The following CFAP96 variants were observed in gnomAD, a reference collection of about 807,000 sequenced individuals.
CFAP96 encodes the protein cilia and flagella associated protein 96, also known as cilia-and flagella-associated protein 96.
the CFAP96 span, chr4:185,415,092 A>G: frequency 2.2e-6 from 3 of 1,362,808 alleles, no homozygotes; most frequent in South Asian, 2.8e-5. Flanking sequence ...GAAATATATA[A>G]TTAAATACAA....
At chr4:185,445,863 C>T in the CFAP96 span, among the ~76,000 whole-genome samples, 77 of 152,104 alleles carry the variant, frequency 5.1e-4, no homozygotes, top group Non-Finnish European at 7.9e-4. Context: ...TTTTTTGAGA[C>T]GGAGTTTCGC....
the CFAP96 span, chr4:185,422,549 A>G: frequency 6.2e-7 from 1 of 1,607,168 alleles, no homozygotes; most frequent in Non-Finnish European, 8.5e-7. Context: ...GTATATCCAT[A>G]CTTTCTGAAA....
At chr4:185,422,715 C>A in the CFAP96 span, 9 of 640,098 alleles carry the variant, frequency 1.4e-5, no homozygotes, top group Admixed American at 3.6e-5. Flanking sequence ...ATAGAAAAAA[C>A]AAAAACAAAA....
the CFAP96 span, chr4:185,415,821 A>G: frequency 6.2e-7 from 1 of 1,613,832 alleles, no homozygotes; most frequent in Non-Finnish European, 8.5e-7. Context: ...TACAGCTGCC[A>G]GGGAGGTTGA....
the CFAP96 span, chr4:185,432,343 T>C: frequency 3.1e-6 from 2 of 648,910 alleles, no homozygotes; most frequent in East Asian, 2.8e-5. Context: ...GAGATAGTTG[T>C]ATTGGATGAT....
chr4:185,426,009 G>T, the CFAP96 span: 2 of 961,568 alleles, frequency 2.1e-6, no homozygotes, highest in Non-Finnish European at 3.2e-6. Flanking sequence ...GCGGCATGAC[G>T]TCACGGAGCG....
At chr4:185,436,307 A>C in the CFAP96 span, 2 of 1,551,256 alleles carry the variant, frequency 1.3e-6, no homozygotes, top group Non-Finnish European at 1.7e-6. Context: ...ACCATAGGTA[A>C]ACAGTTTTCA....
At chr4:185,431,337 A>C in the CFAP96 span, among the ~76,000 whole-genome samples, 1 of 152,164 alleles carries the variant, frequency 6.6e-6, no homozygotes, top group Admixed American at 6.5e-5. Context: ...GCTCTCCTAG[A>C]TCTAAATTAT....
the CFAP96 span, chr4:185,415,102 A>T: frequency 2.1e-6 from 3 of 1,406,528 alleles, no homozygotes; most frequent in African/African-American, 4.5e-5. Flanking sequence ...ATTAAATACA[A>T]AATGAATGAT....
the CFAP96 span, among the ~76,000 whole-genome samples, chr4:185,428,066 A>C: frequency 2.1e-5 from 3 of 143,942 alleles, no homozygotes; most frequent in African/African-American, 7.9e-5. Flanking sequence ...ATCCTGGGCT[A>C]CAAGAGCGAA....
the CFAP96 span, among the ~76,000 whole-genome samples, chr4:185,429,871 A>G: frequency 1.3e-5 from 2 of 151,886 alleles, no homozygotes; most frequent in Non-Finnish European, 2.9e-5. Context: ...AGCTCTCACT[A>G]TGTTGCCCAG....
At chr4:185,418,431 G>C in the CFAP96 span, 4 of 1,592,362 alleles carry the variant, frequency 2.5e-6, no homozygotes, top group Non-Finnish European at 3.4e-6. Flanking sequence ...AAGACAGATA[G>C]TTTGCTTACC....
the CFAP96 span, among the ~76,000 whole-genome samples, chr4:185,414,978 ATAC>A: frequency 6.6e-6 from 1 of 152,240 alleles, no homozygotes; most frequent in African/African-American, 2.4e-5. Context: ...TTTGTCATTA[ATAC>A]TACTTAAAGT....
the CFAP96 span, among the ~76,000 whole-genome samples, chr4:185,443,342 A>ATATATATATATATTTTTTTTTTTT: frequency 3.7e-5 from 1 of 26,730 alleles, no homozygotes; most frequent in Non-Finnish European, 7.4e-5. Context: ...ATATATATAT[A>ATATATATATATATTTTTTTTTTTT]TTTTTTTTTT....
the CFAP96 span, among the ~76,000 whole-genome samples, chr4:185,412,433 T>C: frequency 6.6e-6 from 1 of 152,270 alleles, no homozygotes; most frequent in Non-Finnish European, 1.5e-5. Context: ...GTATCGTATA[T>C]GCATTTTTTT....
At chr4:185,443,921 C>CTTTTTT in the CFAP96 span, among the ~76,000 whole-genome samples, 20 of 82,848 alleles carry the variant, frequency 2.4e-4, 1 homozygote, top group African/African-American at 6.1e-4. Context: ...CTATATCTTT[C>CTTTTTT]TTTTTTTTTT....
the CFAP96 span, chr4:185,440,646 T>C: frequency 6.6e-7 from 1 of 1,515,600 alleles, no homozygotes. Context: ...GAGGAATCTT[T>C]ACCACCAATT....
At chr4:185,417,381 TCTTA>T in the CFAP96 span, among the ~76,000 whole-genome samples, 1 of 152,210 alleles carries the variant, frequency 6.6e-6, no homozygotes, top group Non-Finnish European at 1.5e-5. Flanking sequence ...CATCTGTACA[TCTTA>T]CTGAGGTCTT....
chr4:185,413,782 C>T, the CFAP96 span: 1 of 1,613,410 alleles, frequency 6.2e-7, no homozygotes, highest in Non-Finnish European at 8.5e-7. Context: ...CTAATGTAAC[C>T]ATCTTTGTAT....
Sources: allele counts gnomAD v4.1 joint callset (sites outside exome capture counted in the v4.1 genomes callset), GRCh38; gene constraint gnomAD v4.1.1; transcripts MANE v1.5; gene names NCBI Gene and HGNC (gene_info 2026-07-23, HGNC 2026-07-21).